The following CCDC15 variants were observed in gnomAD, a reference collection of about 807,000 sequenced individuals.
CCDC15 encodes the protein coiled-coil domain containing 15.
Under a neutral mutation model 114.5 loss-of-function variants are expected in CCDC15, and 105 were observed. The ratio of observed to expected loss-of-function variants is 0.92; its 90% confidence interval spans 0.78 to 1.08. The LOEUF (loss-of-function observed/expected upper bound fraction) is 1.08. CCDC15 is among the 50% of genes least tolerant of loss of function. CCDC15 has a pLI of 0.00. For synonymous variants in CCDC15, 334 were observed against 377.8 expected (o/e 0.88, Z 1.34); for missense variants, 1,105 against 1,093.6 (o/e 1.01, Z -0.15).
chr11:125,006,623 GT>G (rs1340279092), intron 13 of CCDC15, among the ~76,000 whole-genome samples: 4 of 152,004 alleles, frequency 2.6e-5, no homozygotes, highest in Non-Finnish European at 2.9e-5. Context: ...TTTCTCCTGT[GT>G]TACCTTCTAG....
At chr11:125,010,654 C>A (rs1321193087) in intron 13 of CCDC15, among the ~76,000 whole-genome samples, 1 of 152,102 alleles carries the variant, frequency 6.6e-6, no homozygotes, top group Non-Finnish European at 1.5e-5. Context: ...AGCTACCACG[C>A]CTGGCCAAAT....
intron 11 of CCDC15, among the ~76,000 whole-genome samples, chr11:124,996,329 A>G (rs1241701080): frequency 6.6e-6 from 1 of 152,200 alleles, no homozygotes; most frequent in Non-Finnish European, 1.5e-5. Context: ...AATAAAAGCT[A>G]TCACACAATA....
At chr11:124,975,074 T>C in intron 4 of CCDC15, 22 bp from the exon 5 acceptor site, 2 of 1,484,230 alleles carry the variant, frequency 1.3e-6, no homozygotes, top group Non-Finnish European at 1.8e-6. Flanking sequence ...TTTGTTTGCT[T>C]TCTTCCCCCT....
chr11:125,018,070 G>A (rs551180213), intron 13 of CCDC15, among the ~76,000 whole-genome samples: 1 of 152,172 alleles, frequency 6.6e-6, no homozygotes, highest in South Asian at 2.1e-4. Context: ...AGTGTACAGT[G>A]TTTATAAAGT....
At chr11:124,989,559 C>T (rs1948235270) in intron 8 of CCDC15, among the ~76,000 whole-genome samples, 1 of 152,190 alleles carries the variant, frequency 6.6e-6, no homozygotes, top group African/African-American at 2.4e-5. Flanking sequence ...AGCTGTGAAA[C>T]TCCTAGTCAT....
intron 4 of CCDC15, among the ~76,000 whole-genome samples, chr11:124,972,735 G>C (rs1057282526): frequency 5.9e-5 from 9 of 152,126 alleles, no homozygotes; most frequent in African/African-American, 2.2e-4. Context: ...TTTGTTTCTT[G>C]ACATTTCCAG....
intron 6 of CCDC15, among the ~76,000 whole-genome samples, chr11:124,985,469 C>T (rs1948141983): frequency 6.6e-6 from 1 of 152,160 alleles, no homozygotes; most frequent in Non-Finnish European, 1.5e-5. Context: ...TCCAATTTCT[C>T]TGTATCCTCC....
chr11:125,040,537 A>C, intron 15 of CCDC15, 53 bp from the exon 16 acceptor site: 5 of 1,535,044 alleles, frequency 3.3e-6, no homozygotes, highest in Non-Finnish European at 4.4e-6. Flanking sequence ...AGAGGCTGGT[A>C]GAGTTGTTTA....
At chr11:125,035,752 T>C (rs1045014969) in intron 13 of CCDC15, among the ~76,000 whole-genome samples, 1 of 152,186 alleles carries the variant, frequency 6.6e-6, no homozygotes, top group Admixed American at 6.5e-5. Context: ...TGTTTCCAAA[T>C]ATGAAGTTAC....
chr11:125,003,919 C>T lies in CCDC15; in HGVS notation c.2267C>T (p.Ala756Val). 1 of 1,564,772 alleles carries T rather than the reference C, an allele frequency of 6.4e-7. No individual in the cohort carries two copies. Among genetic ancestry groups the T allele is most frequent in the Admixed American group, 2.0e-5 (1 of 49,378 alleles). The change falls in exon 12 of 16, where the codon GCA becomes GTA. Residue 756 changes from alanine (A) to valine (V), a missense_variant. Transcript: ENST00000344762. ...GLSTEFQAPLAFQSDVDKEED... is the reference protein window; with the variant it reads ...GLSTEFQAPLVFQSDVDKEED... The stretch of plus-strand genomic sequence containing the variant: ...AGCACTGAATTCCAAGCTCCACTGG[C>T]ATTTCAGTCTGACGTGGATAAAGAA...
chr11:124,955,320 T>C (rs1367607544), intron 2 of CCDC15, among the ~76,000 whole-genome samples: 1 of 152,244 alleles, frequency 6.6e-6, no homozygotes, highest in Non-Finnish European at 1.5e-5. Context: ...AGGTTTATGA[T>C]AAATTTTGTA....
intron 2 of CCDC15, among the ~76,000 whole-genome samples, chr11:124,958,682 G>A (rs1457258694): frequency 6.6e-6 from 1 of 152,136 alleles, no homozygotes; most frequent in Non-Finnish European, 1.5e-5. Context: ...TAGAGAGAGA[G>A]TGTTGTGGAA....
At position 124,959,980 on chromosome 11, in the gene CCDC15, T is replaced by G; in HGVS notation, c.493T>G (p.Leu165Val). Residue 165 changes from leucine to valine, a missense_variant, in exon 4 of 16, where the codon TTA becomes GTA. Physicochemically the swap from Leu to Val is conservative, Grantham distance 32. Transcript: ENST00000344762. ...GIEDEENQNE[L>V]FQQQAQALSE... is the part of the protein sequence containing the mutation. ...AGAGGATGAAGAGAATCAGAACGAA[T>G]TATTCCAACAACAAGCCCAGGCTGT... 1 of 1,570,692 alleles carries G rather than the reference T, an allele frequency of 6.4e-7. No homozygotes were observed. The highest frequency in any genetic ancestry group is 8.6e-7 in the Non-Finnish European group (1 of 1,156,336).
intron 6 of CCDC15, among the ~76,000 whole-genome samples, chr11:124,986,091 C>T (rs1948152147): frequency 6.6e-6 from 1 of 152,116 alleles, no homozygotes; most frequent in Non-Finnish European, 1.5e-5. Context: ...CTAGTTGTCT[C>T]AGCATCACCT....
intron 2 of CCDC15, among the ~76,000 whole-genome samples, chr11:124,957,876 C>A (rs1415948708): frequency 1.3e-5 from 2 of 151,986 alleles, no homozygotes; most frequent in African/African-American, 4.8e-5. Context: ...GGAATAGGTA[C>A]GAGATATGAT....
chr11:125,029,110 G>T (rs1565383205), intron 13 of CCDC15, among the ~76,000 whole-genome samples: 1 of 152,180 alleles, frequency 6.6e-6, no homozygotes, highest in Non-Finnish European at 1.5e-5. Flanking sequence ...TTTTCTGTCA[G>T]CTTATATTCT....
chr11:125,014,539 G>C (rs1310709910), intron 13 of CCDC15, among the ~76,000 whole-genome samples: 1 of 151,932 alleles, frequency 6.6e-6, no homozygotes, highest in Non-Finnish European at 1.5e-5. Flanking sequence ...AAAATATTGA[G>C]AATTTCACCA....
chr11:124,994,463 G>A (rs1415491564), intron 11 of CCDC15, among the ~76,000 whole-genome samples: 1 of 152,034 alleles, frequency 6.6e-6, no homozygotes, highest in Non-Finnish European at 1.5e-5. Flanking sequence ...GGGTATTTTG[G>A]GGAGCATTTA....
intron 2 of CCDC15, among the ~76,000 whole-genome samples, 181 bp from the exon 3 acceptor site, chr11:124,958,934 G>A (rs948878577): frequency 2.0e-5 from 3 of 152,026 alleles, no homozygotes; most frequent in East Asian, 1.9e-4. Context: ...TGAAGACATC[G>A]TTAGTTCTAA....
Sources: gnomAD v4.1 joint callset for allele counts (sites outside exome capture counted in the v4.1 genomes callset) on GRCh38, gnomAD v4.1.1 for gene constraint, MANE v1.5 for transcripts, NCBI Gene and HGNC (gene_info 2026-07-23, HGNC 2026-07-21) for gene names.